Variants in IL1RAPL1 observed in about 807,000 individuals in gnomAD.
IL1RAPL1 encodes the protein interleukin 1 receptor accessory protein like 1, also known as interleukin-1 receptor accessory protein-like 1.
A neutral mutation model predicts 48.4 loss-of-function variants in IL1RAPL1; 3 were observed. The observed-to-expected ratio is 0.06, with a 90% CI of 0.03 to 0.16. The LOEUF (loss-of-function observed/expected upper bound fraction) is 0.16, where lower values mean the gene tolerates loss of function less well. IL1RAPL1 is among the 10% of genes least tolerant of loss of function. IL1RAPL1 has a pLI of 1.00. For synonymous variants in IL1RAPL1, 185 were observed against 187.7 expected (o/e 0.99, Z 0.12); for missense variants, 349 against 530.6 (o/e 0.66, Z 3.36).
chrX:29,324,063 A>G (rs192757325), intron 3 of IL1RAPL1, among the ~76,000 whole-genome samples: 174 of 108,817 alleles, frequency 1.6e-3, no homozygotes, highest in African/African-American at 5.6e-3. Context: ...TCAAAAAAGG[A>G]TAGCATTTTT....
chrX:29,638,842 A>G (rs754467604), intron 5 of IL1RAPL1, among the ~76,000 whole-genome samples: 9 of 112,402 alleles, frequency 8.0e-5, no homozygotes, highest in African/African-American at 2.3e-4. Flanking sequence ...TTTGCCCGCT[A>G]CTTACACTAA....
chrX:29,748,236 T>TA (rs763978369), intron 6 of IL1RAPL1, among the ~76,000 whole-genome samples: 2 of 112,113 alleles, frequency 1.8e-5, no homozygotes, highest in African/African-American at 3.2e-5. Flanking sequence ...GCAACTAGTA[T>TA]AATGGACAGA....
chrX:28,681,993 G>A (rs1475105418), intron 1 of IL1RAPL1, among the ~76,000 whole-genome samples: 6 of 111,450 alleles, frequency 5.4e-5, no homozygotes, highest in African/African-American at 9.8e-5. Context: ...TCTGCTTTCC[G>A]TCTCTATGGT....
intron 3 of IL1RAPL1, among the ~76,000 whole-genome samples, chrX:29,336,269 C>CATACATATATATATAT (rs1932993096): frequency 1.7e-5 from 1 of 57,474 alleles, no homozygotes; most frequent in Non-Finnish European, 3.2e-5. Flanking sequence ...ATATATATGC[C>CATACATATATATATAT]ATATATATAT....
intron 1 of IL1RAPL1, among the ~76,000 whole-genome samples, chrX:28,608,902 A>G (rs1406389154): frequency 8.9e-6 from 1 of 112,329 alleles, no homozygotes; most frequent in Non-Finnish European, 1.9e-5. Context: ...GAAAAAAAAG[A>G]TATTTAGCAT....
intron 6 of IL1RAPL1, among the ~76,000 whole-genome samples, chrX:29,755,118 G>C (rs1336198571): frequency 8.9e-6 from 1 of 112,458 alleles, no homozygotes; most frequent in African/African-American, 3.2e-5. Context: ...TTCTCTATAG[G>C]CAGCTGCCTC....
At chrX:29,311,019 T>C (rs953703619) in intron 3 of IL1RAPL1, among the ~76,000 whole-genome samples, 2 of 111,936 alleles carry the variant, frequency 1.8e-5, no homozygotes, top group Admixed American at 1.9e-4. Context: ...TGGATTAAAA[T>C]GAAGTATGGC....
At chrX:28,997,514 T>C (rs754745951) in intron 2 of IL1RAPL1, among the ~76,000 whole-genome samples, 2 of 111,232 alleles carry the variant, frequency 1.8e-5, no homozygotes, top group Non-Finnish European at 3.8e-5. Context: ...TTTAATCTTA[T>C]ATGGCCTCAA....
chrX:29,035,635 C>A (rs1410912759), intron 2 of IL1RAPL1, among the ~76,000 whole-genome samples: 1 of 108,861 alleles, frequency 9.2e-6, no homozygotes, highest in Non-Finnish European at 1.9e-5. Context: ...AGCGAGACTC[C>A]TTCTTAAAAA....
intron 5 of IL1RAPL1, among the ~76,000 whole-genome samples, chrX:29,617,014 T>C (rs1924309991): frequency 9.0e-6 from 1 of 111,497 alleles, no homozygotes; most frequent in Non-Finnish European, 1.9e-5. Context: ...AACAAGTCCC[T>C]GTCCTCATGG....
At chrX:29,757,026 A>G (rs989138504) in intron 6 of IL1RAPL1, among the ~76,000 whole-genome samples, 2 of 111,380 alleles carry the variant, frequency 1.8e-5, no homozygotes, top group African/African-American at 6.5e-5. Context: ...GCAAGGAAGG[A>G]TTCCCCTACA....
intron 2 of IL1RAPL1, among the ~76,000 whole-genome samples, chrX:28,923,442 T>G (rs1383684927): frequency 9.0e-6 from 1 of 111,324 alleles, no homozygotes; most frequent in Non-Finnish European, 1.9e-5. Flanking sequence ...CCCAAAGTGC[T>G]GGAATTACAG....
At chrX:29,586,735 G>A (rs1923177738) in intron 5 of IL1RAPL1, among the ~76,000 whole-genome samples, 1 of 110,802 alleles carries the variant, frequency 9.0e-6, no homozygotes, top group Non-Finnish European at 1.9e-5. Flanking sequence ...CCTTTTCAGT[G>A]TACAACTCTT....
In IL1RAPL1 at chrX:29,069,505, C is replaced by T. The variant is rs185066207; in HGVS notation, c.83-213433C>T. ...ATATGTGACTTTTAAAAATGATTTC[C>T]AGTTGCTATTCCTAATCCATTATTT... On this transcript the variant is annotated intron_variant, in intron 2 of 10. Transcript: ENST00000378993. Among the ~76,000 whole-genome samples, 40 of 109,827 alleles carry T rather than the reference C, an allele frequency of 3.6e-4. No homozygotes were observed. In the South Asian group the frequency reaches 4.3e-3, roughly 12 times the overall value.
intron 2 of IL1RAPL1, among the ~76,000 whole-genome samples, chrX:29,204,754 C>A (rs1930629676): frequency 9.0e-6 from 1 of 111,283 alleles, no homozygotes; most frequent in Non-Finnish European, 1.9e-5. Context: ...CTTATTAATC[C>A]CTTTGTCTTT....
At chrX:29,460,392 A>G (rs1302637801) in intron 5 of IL1RAPL1, among the ~76,000 whole-genome samples, 1 of 112,099 alleles carries the variant, frequency 8.9e-6, no homozygotes, top group Non-Finnish European at 1.9e-5. Context: ...GTGCCGACCC[A>G]TCATATTGAT....
At chrX:28,792,787 C>CAAAAA (rs1189410830) in intron 2 of IL1RAPL1, among the ~76,000 whole-genome samples, 18 of 9,725 alleles carry the variant, frequency 1.9e-3, no homozygotes, top group African/African-American at 2.6e-3. Context: ...GACTCCATCT[C>CAAAAA]AAAAAAAAAA....
intron 2 of IL1RAPL1, among the ~76,000 whole-genome samples, chrX:28,966,070 C>CAT: frequency 9.0e-6 from 1 of 111,507 alleles, no homozygotes; most frequent in East Asian, 2.8e-4. Flanking sequence ...AGTTTTCAAA[C>CAT]ATATATACAC....
chrX:29,824,992 A>G (rs747360375), intron 6 of IL1RAPL1, among the ~76,000 whole-genome samples: 1 of 110,700 alleles, frequency 9.0e-6, no homozygotes, highest in African/African-American at 3.3e-5. Context: ...AAAAAAAATA[A>G]TGGAGTGTTT....
Sources: gnomAD v4.1 joint callset for allele counts (sites outside exome capture counted in the v4.1 genomes callset) on GRCh38, gnomAD v4.1.1 for gene constraint, MANE v1.5 for transcripts, NCBI Gene and HGNC (gene_info 2026-07-23, HGNC 2026-07-21) for gene names.